Variants in ATG4A observed in about 807,000 individuals in gnomAD.
ATG4A encodes autophagy related 4A cysteine peptidase.
In ATG4A, 22 loss-of-function variants were observed where a neutral mutation model predicts 38.4. That is an observed-to-expected ratio of 0.57 (90% confidence interval 0.41 to 0.82). The LOEUF is 0.82. ATG4A is among the 40% of genes least tolerant of loss of function. The pLI is 0.00. For synonymous variants in ATG4A, 86 were observed against 100.7 expected, an observed-to-expected ratio of 0.85 and a Z score of 0.88; for missense variants, 220 against 290.0, an observed-to-expected ratio of 0.76 and a Z score of 1.75.
intron 9 of ATG4A, among the ~76,000 whole-genome samples, chrX:108,140,813 A>G (rs1198726356): frequency 1.0e-5 from 1 of 98,670 alleles, no homozygotes; most frequent in African/African-American, 3.7e-5. Context: ...TATAAAATAT[A>G]TATAAAATGT....
chrX:108,118,724 G>C (rs2032576418), intron 1 of ATG4A, among the ~76,000 whole-genome samples: 2 of 111,310 alleles, frequency 1.8e-5, no homozygotes, highest in Non-Finnish European at 3.8e-5. Context: ...CTCTCCTCTT[G>C]TCTCTGCTCA....
intron 1 of ATG4A, 129 bp downstream of exon 1, chrX:108,091,965 G>T: frequency 9.3e-7 from 1 of 1,069,557 alleles, no homozygotes; most frequent in Non-Finnish European, 1.3e-6. Flanking sequence ...TAAAGGTCCT[G>T]TCCCCCGGGG....
chrX:108,138,724 A>G (rs962244120), intron 9 of ATG4A, among the ~76,000 whole-genome samples: 8 of 112,158 alleles, frequency 7.1e-5, no homozygotes, highest in Admixed American at 1.9e-4. Flanking sequence ...CTGGAAACCC[A>G]GTCTCTTTAC....
At chrX:108,116,440 G>A (rs1220913806) in intron 1 of ATG4A, among the ~76,000 whole-genome samples, 1 of 111,781 alleles carries the variant, frequency 8.9e-6, no homozygotes, top group African/African-American at 3.3e-5. Flanking sequence ...AAAAGACTCT[G>A]TACTTCTCCC....
At chrX:108,091,558 C>T (rs746960584), upstream of ATG4A, 1 of 1,158,252 alleles carries the variant, frequency 8.6e-7, no homozygotes, top group African/African-American at 1.8e-5. Flanking sequence ...GCGAGCAACG[C>T]CCGCCTCACG....
chrX:108,128,043 T>A (rs1010328269), intron 2 of ATG4A, among the ~76,000 whole-genome samples: 4 of 112,625 alleles, frequency 3.6e-5, no homozygotes, highest in African/African-American at 1.3e-4. Flanking sequence ...ATTTCCTTTT[T>A]ATTTAAACAT....
intron 9 of ATG4A, among the ~76,000 whole-genome samples, chrX:108,146,217 T>C (rs1362304795): frequency 4.5e-5 from 5 of 112,149 alleles, no homozygotes; most frequent in Admixed American, 3.8e-4. Flanking sequence ...AATTGATTGA[T>C]GGGCTGTGAT....
At chrX:108,146,453 G>A (rs1686620004) in intron 9 of ATG4A, among the ~76,000 whole-genome samples, 1 of 111,517 alleles carries the variant, frequency 9.0e-6, no homozygotes, top group Non-Finnish European at 1.9e-5. Flanking sequence ...CATTACGGTA[G>A]CTATGCCCAC....
At chrX:108,125,895 G>T (rs2032784827) in intron 1 of ATG4A, among the ~76,000 whole-genome samples, 182 bp from the exon 2 acceptor site, 1 of 112,158 alleles carries the variant, frequency 8.9e-6, no homozygotes, top group Non-Finnish European at 1.9e-5. Context: ...TGGTCAAGAG[G>T]AAATCCTTCA....
chrX:108,142,451 A>G (rs1377327839), intron 9 of ATG4A, among the ~76,000 whole-genome samples: 4 of 109,909 alleles, frequency 3.6e-5, no homozygotes, highest in Non-Finnish European at 7.6e-5. Context: ...AATGGAATAT[A>G]TATACATATA....
At chrX:108,125,967 T>A in intron 1 of ATG4A, 110 bp from the exon 2 acceptor site, 1 of 460,994 alleles carries the variant, frequency 2.2e-6, no homozygotes. Flanking sequence ...ATTGTTTCCA[T>A]TAGATTCAAG....
upstream of ATG4A, among the ~76,000 whole-genome samples, chrX:108,090,025 ACTG>A (rs2031557221): frequency 8.9e-6 from 1 of 111,975 alleles, no homozygotes; most frequent in Admixed American, 9.4e-5. Context: ...CCACAGGCCT[ACTG>A]CTTAGATTTA....
intron 1 of ATG4A, among the ~76,000 whole-genome samples, chrX:108,096,644 A>G (rs1417125904): frequency 9.1e-6 from 1 of 110,328 alleles, no homozygotes; most frequent in Admixed American, 9.6e-5. Context: ...TATAAACAGT[A>G]TATTTTATTT....
At position 108,113,247 on chromosome X, in the gene ATG4A, C is replaced by T. The variant is rs144218367; in HGVS notation, c.11-12830C>T. On this transcript the variant is annotated intron_variant, in intron 1 of 12. Transcript: ENST00000372232. Reference sequence around the variant, plus strand: ...AGCTCCTTGCACACTGCAGCGCTCTCCAATTGGAGGTTTCTTGCTGGGGAT... The same window carrying T: ...AGCTCCTTGCACACTGCAGCGCTCTTCAATTGGAGGTTTCTTGCTGGGGAT... 6.5e-3 allele frequency among the ~76,000 whole-genome samples: 726 copies of T among 111,916 alleles called. 5 individuals carry two copies. Among genetic ancestry groups the T allele is most frequent in the African/African-American group, 0.023 (694 of 30,735 alleles).
At chrX:108,125,901 C>T (rs1043501947) in intron 1 of ATG4A, among the ~76,000 whole-genome samples, 176 bp from the exon 2 acceptor site, 1 of 112,086 alleles carries the variant, frequency 8.9e-6, no homozygotes, top group Non-Finnish European at 1.9e-5. Flanking sequence ...AGAGGAAATC[C>T]TTCAACTAAA....
chrX:108,099,769 A>G (rs775923239), intron 1 of ATG4A, among the ~76,000 whole-genome samples: 7 of 112,046 alleles, frequency 6.2e-5, no homozygotes, highest in Non-Finnish European at 9.4e-5. Context: ...GTTGTAAAAT[A>G]TAAGTATGCC....
At chrX:108,145,303 C>T (rs777777821) in intron 9 of ATG4A, among the ~76,000 whole-genome samples, 4 of 112,506 alleles carry the variant, frequency 3.6e-5, no homozygotes, top group South Asian at 3.7e-4. Flanking sequence ...GACACAAAGA[C>T]GGAGAGTTCA....
chrX:108,111,180 T>G (rs1463987934), intron 1 of ATG4A, among the ~76,000 whole-genome samples: 1 of 112,163 alleles, frequency 8.9e-6, no homozygotes, highest in Non-Finnish European at 1.9e-5. Context: ...GGATTACAGG[T>G]GTGAGCCATC....
intron 9 of ATG4A, among the ~76,000 whole-genome samples, chrX:108,143,345 T>C (rs916542363): frequency 9.0e-6 from 1 of 111,611 alleles, no homozygotes; most frequent in African/African-American, 3.3e-5. Context: ...ATGTTTTTTT[T>C]CCTGGTGGAG....
Sources: allele counts gnomAD v4.1 joint callset (sites outside exome capture counted in the v4.1 genomes callset), GRCh38; gene constraint gnomAD v4.1.1; transcripts MANE v1.5; gene names NCBI Gene and HGNC (gene_info 2026-07-23, HGNC 2026-07-21).